The following NCAPD2 variants were observed in gnomAD, a reference collection of about 807,000 sequenced individuals.
The protein encoded by NCAPD2 is non-SMC condensin I complex subunit D2, also known as condensin complex subunit 1.
A neutral mutation model predicts 164.5 loss-of-function variants in NCAPD2; 100 were observed. The ratio of observed to expected loss-of-function variants is 0.61; its 90% confidence interval spans 0.52 to 0.72. NCAPD2 has a LOEUF of 0.72. Ranked by LOEUF, NCAPD2 falls within the 30% of genes least tolerant of loss-of-function variation. NCAPD2 has a pLI of 0.00. For missense variants in NCAPD2, 1,560 were observed against 1,749.2 expected (o/e 0.89, Z 1.93); for synonymous variants, 585 against 642.6 (o/e 0.91, Z 1.36).
chr12:6,506,454 G>A (rs966885754), intron 2 of NCAPD2, among the ~76,000 whole-genome samples: 1 of 151,968 alleles, frequency 6.6e-6, no homozygotes, highest in Non-Finnish European at 1.5e-5. Context: ...GCCGGGCATG[G>A]TGGCGGGCGC....
chr12:6,523,304 A>G lies in NCAPD2; in HGVS notation c.2172A>G (p.Leu724=), dbSNP rs1592175568. The G allele has an allele frequency of 6.2e-7, 1 of 1,613,270 alleles. No individual in the cohort carries two copies. Among genetic ancestry groups the G allele is most frequent in the Non-Finnish European group, 8.5e-7 (1 of 1,179,650 alleles). The change falls in exon 17 of 32, where the codon CTA becomes CTG. Residue 724 remains leucine, a synonymous_variant. Transcript: ENST00000315579. ...QALIQNLSLL[L]VDASVGTIQC... is the part of the protein sequence containing the mutation. ...TGATTCAGAATCTCTCTCTGCTGCT[A>G]GTGGATGCCTCGGTTGGGACCATTC... is the stretch of plus-strand genomic sequence containing the variant.
chr12:6,520,068 C>G (rs1459623321), intron 13 of NCAPD2, among the ~76,000 whole-genome samples: 2 of 151,716 alleles, frequency 1.3e-5, no homozygotes, highest in South Asian at 2.1e-4. Flanking sequence ...GTAATCCTAG[C>G]TATTTGGGGA....
Position 6,521,865 on chromosome 12 carries a change from T to C in NCAPD2, c.1782T>C (p.Thr594=). 6.2e-7 allele frequency: 1 copy of C among 1,614,094 alleles called. No homozygotes were observed. Among genetic ancestry groups the C allele is most frequent in the Non-Finnish European group, 8.5e-7 (1 of 1,180,000 alleles). The change falls in exon 15 of 32, where the codon ACT becomes ACC. Residue 594 remains threonine, a synonymous_variant. Coordinates refer to ENST00000315579, the MANE Select transcript of NCAPD2 (RefSeq NM_014865.4). The part of the protein sequence containing the change: ...ESTGNMVTGQ[T]VCKNKPNMSD... ...CAGGAAACATGGTCACAGGACAGAC[T>C]GTCTGTAAAAATAAACCCAATATGT...
chr12:6,513,735 T>TTTTTTTTTTTTTGC lies in NCAPD2; in HGVS notation c.588-530_588-529insTTTTTTTTTTTTGC, dbSNP rs1343281456. Among the ~76,000 whole-genome samples the TTTTTTTTTTTTTGC allele has an allele frequency of 3.2e-5, 3 of 92,820 alleles. 1 individual carries two copies. The highest frequency in any genetic ancestry group is 9.0e-5 in the African/African-American group (2 of 22,328). 60.9% of individuals were successfully genotyped at this position (92,820 alleles called of 152,430 possible). A position where few individuals can be genotyped will look rare whatever the true frequency, so the allele number is the denominator to read the frequency against. On this transcript the variant is annotated intron_variant, in intron 6 of 31. Coordinates refer to ENST00000315579, the MANE Select transcript of NCAPD2 (RefSeq NM_014865.4). ...TTTGTCTTTTTTTTTTTTTTTTTTG[T>TTTTTTTTTTTTTGC]GATGGAGTCTCGCAATGTCGCCTGG...
chr12:6,526,360 C>T lies in NCAPD2; in HGVS notation c.2555C>T (p.Thr852Ile). 1 of 1,614,142 alleles carries T rather than the reference C, an allele frequency of 6.2e-7. No individual in the cohort carries two copies. Among genetic ancestry groups the T allele is most frequent in the Non-Finnish European group, 8.5e-7 (1 of 1,180,024 alleles). The change falls in exon 20 of 32, where the codon ACA (threonine) becomes ATA (isoleucine). Residue 852 changes from threonine (T) to isoleucine (I), a missense_variant. Physicochemically the swap from Thr to Ile is moderately conservative, Grantham distance 89. Coordinates refer to ENST00000315579, the MANE Select transcript of NCAPD2 (RefSeq NM_014865.4). ...EHRLFERLRE[T>I]VTKGFVHPDP... The stretch of plus-strand genomic sequence containing the variant: ...AGGTTGTTTGAGCGACTGCGGGAGA[C>T]AGTCACAAAAGGTGAGCTCTCAGGG...
At chr12:6,499,651 C>T (rs1168647311) in intron 2 of NCAPD2, among the ~76,000 whole-genome samples, 1 of 152,122 alleles carries the variant, frequency 6.6e-6, no homozygotes, top group Non-Finnish European at 1.5e-5. Flanking sequence ...CTTGGCCTCC[C>T]AAAGTTCTGG....
intron 6 of NCAPD2, 68 bp downstream of exon 6, chr12:6,511,320 G>T: frequency 6.6e-7 from 1 of 1,525,664 alleles, no homozygotes; most frequent in Non-Finnish European, 8.9e-7. Flanking sequence ...TAGATATGCC[G>T]TTTTTTTGGT....
chr12:6,515,726 C>A (rs1418822571), intron 9 of NCAPD2, among the ~76,000 whole-genome samples: 1 of 152,074 alleles, frequency 6.6e-6, no homozygotes, highest in Admixed American at 6.6e-5. Flanking sequence ...TGTGCAAGAC[C>A]CTATTCTCTG....
intron 2 of NCAPD2, among the ~76,000 whole-genome samples, chr12:6,501,299 G>A (rs1946033949): frequency 7.3e-6 from 1 of 136,470 alleles, no homozygotes; most frequent in South Asian, 2.3e-4. Context: ...GGAGTGCAGT[G>A]GCACCATCTC....
rs1275373802 is a variant in NCAPD2 at position 6,526,798 on chromosome 12, G to A, written c.2735-93G>A. The A allele has an allele frequency of 6.8e-6, 10 of 1,480,792 alleles. 1 individual carries two copies. Among genetic ancestry groups the A allele is most frequent in the South Asian group, 6.5e-5 (5 of 76,938 alleles). 91.7% of individuals were successfully genotyped at this position (1,480,792 alleles called of 1,614,324 possible). A position where few individuals can be genotyped will look rare whatever the true frequency, so the allele number is the denominator to read the frequency against. ...ACTACTTCACTAGTTTGAATAGCAC[G>A]TGAGCAAGGGGAAGATCAGTAAAAA... On this transcript the variant is annotated intron_variant, in intron 21 of 31. Transcript: ENST00000315579.
Position 6,525,561 on chromosome 12 carries a change from G to A in NCAPD2, c.2215-22G>A, listed in dbSNP as rs749790426. 9 of 1,585,356 alleles carry A rather than the reference G, an allele frequency of 5.7e-6. No individual in the cohort carries two copies. The South Asian group carries it at 1.0e-4, about 18-fold the overall frequency. On this transcript the variant is annotated intron_variant, in intron 17 of 31. Transcript: ENST00000315579. ...AAGGAATTGTTCATTTTTGGCTTGA[G>A]CCCTTTTTCTTTTCTCTTTAGCTCT...
chr12:6,503,737 C>G (rs535200915), intron 2 of NCAPD2, among the ~76,000 whole-genome samples: 1 of 150,074 alleles, frequency 6.7e-6, no homozygotes. Context: ...TGCCACTGCA[C>G]TTCAGCCTGG....
chr12:6,503,598 C>T (rs547544411), intron 2 of NCAPD2, among the ~76,000 whole-genome samples: 5 of 152,050 alleles, frequency 3.3e-5, no homozygotes, highest in South Asian at 4.2e-4. Flanking sequence ...GGTGAAACCC[C>T]GTCTCTACTA....
At chr12:6,503,315 A>G (rs1946056234) in intron 2 of NCAPD2, among the ~76,000 whole-genome samples, 1 of 122 alleles carries the variant, frequency 8.2e-3, no homozygotes, top group Non-Finnish European at 0.019. Context: ...GATATTTATA[A>G]TGAAAGAAAT....
At chr12:6,496,059 CTTTTT>C (rs11423649) in intron 2 of NCAPD2, among the ~76,000 whole-genome samples, 1 of 136,594 alleles carries the variant, frequency 7.3e-6, no homozygotes. Context: ...TTTTGTTTTT[CTTTTT>C]TTTTTTTTTT....
At chr12:6,499,377 A>T (rs1055108712) in intron 2 of NCAPD2, among the ~76,000 whole-genome samples, 3 of 151,596 alleles carry the variant, frequency 2.0e-5, no homozygotes, top group African/African-American at 7.3e-5. Flanking sequence ...ACGCCTGGCT[A>T]ATTCTTGGGG....
intron 21 of NCAPD2, 134 bp from the exon 22 acceptor site, chr12:6,526,756 TC>T: frequency 7.1e-7 from 1 of 1,416,540 alleles, no homozygotes; most frequent in Non-Finnish European, 9.6e-7. Flanking sequence ...TTGGGCCAGT[TC>T]CCACCCCCAA....
chr12:6,511,315 A>G, intron 6 of NCAPD2, 63 bp downstream of exon 6: 2 of 1,550,892 alleles, frequency 1.3e-6, no homozygotes, highest in South Asian at 1.2e-5. Flanking sequence ...GTTGATAGAT[A>G]TGCCGTTTTT....
chr12:6,515,219 A>T (rs909518959), intron 9 of NCAPD2, among the ~76,000 whole-genome samples: 10 of 151,550 alleles, frequency 6.6e-5, no homozygotes, highest in African/African-American at 2.2e-4. Flanking sequence ...TGGAGGTAGG[A>T]TCTGGCTCTG....
Sources: gnomAD v4.1 joint callset for allele counts (sites outside exome capture counted in the v4.1 genomes callset) on GRCh38, gnomAD v4.1.1 for gene constraint, MANE v1.5 for transcripts, NCBI Gene and HGNC (gene_info 2026-07-23, HGNC 2026-07-21) for gene names.